Variants in RRAGD observed in about 807,000 individuals in gnomAD.
The protein encoded by RRAGD is Ras related GTP binding D.
In RRAGD, 12 loss-of-function variants were observed where a neutral mutation model predicts 35.5. The observed-to-expected ratio is 0.34, with a 90% confidence interval of 0.22 to 0.55. The LOEUF is 0.55. Ranked by LOEUF, RRAGD falls within the 20% of genes least tolerant of loss-of-function variation. The probability of loss-of-function intolerance (pLI) is 0.91; values close to 1 mark genes in which losing one functional copy is unlikely to be tolerated. For synonymous variants in RRAGD, 155 were observed against 178.9 expected (o/e 0.87, Z 1.07); for missense variants, 324 against 490.1 (o/e 0.66, Z 3.20).
chr6:89,409,788 G>C (rs759147170), intron 1 of RRAGD, among the ~76,000 whole-genome samples: 11 of 152,210 alleles, frequency 7.2e-5, no homozygotes, highest in Admixed American at 1.3e-4. Context: ...GGGAAATCTG[G>C]AAAGAACAGA....
intron 2 of RRAGD, among the ~76,000 whole-genome samples, chr6:89,384,596 C>T (rs952163458): frequency 3.3e-5 from 5 of 152,104 alleles, no homozygotes; most frequent in African/African-American, 1.2e-4. Flanking sequence ...ATGGATGGAT[C>T]ATGAGGTCAA....
At chr6:89,402,037 G>GTTTTTTTTTTTTT (rs1194197994) in intron 1 of RRAGD, among the ~76,000 whole-genome samples, 3 of 52,302 alleles carry the variant, frequency 5.7e-5, no homozygotes, top group Admixed American at 1.5e-4. Context: ...AAATCCTAAG[G>GTTTTTTTTTTTTT]ATTTTTTTTT....
At chr6:89,391,121 A>T (rs1193055046) in intron 1 of RRAGD, among the ~76,000 whole-genome samples, 1 of 152,104 alleles carries the variant, frequency 6.6e-6, no homozygotes, top group East Asian at 1.9e-4. Context: ...ATGGTGGCTC[A>T]TGTCTATAAT....
In RRAGD at chr6:89,411,881, G is replaced by A; in HGVS notation, c.113C>T (p.Ser38Phe). The change falls in exon 1 of 7, where the codon TCC (serine) becomes TTC (phenylalanine). Residue 38 changes from serine to phenylalanine, a missense_variant. Coordinates refer to ENST00000369415, the MANE Select transcript of RRAGD (RefSeq NM_021244.5). This position sits in a 1 kb window ranked among gnomAD's most constrained non-coding sequence, Gnocchi z 5.6. Reference sequence around the variant, plus strand: ...TGTGCCGCTGTCCGGATCGGCGTCGGAGGAGTCGGGCCCGTCTCCGTAGTC... The same window carrying A: ...TGTGCCGCTGTCCGGATCGGCGTCGAAGGAGTCGGGCCCGTCTCCGTAGTC... ...LADYGDGPDS[S>F]DADPDSGTEE... is the part of the protein sequence containing the mutation. 1.3e-6 allele frequency: 2 copies of A among 1,547,916 alleles called. No individual in the cohort carries two copies. Among genetic ancestry groups the A allele is most frequent in the Non-Finnish European group, 1.7e-6 (2 of 1,148,974 alleles).
At chr6:89,370,304 G>A (rs932884035) in intron 6 of RRAGD, among the ~76,000 whole-genome samples, 2 of 152,082 alleles carry the variant, frequency 1.3e-5, no homozygotes, top group Admixed American at 6.5e-5. Flanking sequence ...GAGGCCAAAG[G>A]ACACAAAAGG....
intron 1 of RRAGD, among the ~76,000 whole-genome samples, chr6:89,389,077 A>G (rs896765147): frequency 1.1e-4 from 17 of 152,180 alleles, no homozygotes; most frequent in Non-Finnish European, 2.1e-4. Context: ...CATGCAGCGC[A>G]GTTCCTAACA....
Position 89,377,830 on chromosome 6 carries a change from A to C in RRAGD, c.760-17T>G, listed in dbSNP as rs748439444. On this transcript the variant is annotated splice_polypyrimidine_tract_variant and intron_variant, in intron 4 of 6. Coordinates refer to ENST00000369415, the MANE Select transcript of RRAGD (RefSeq NM_021244.5). ...TCCAGAATTCTGAAATTTAAAAAAA[A>C]AAGTTGCCTTAAAGCAACAGTCAAC... 8.8e-6 allele frequency: 14 copies of C among 1,588,622 alleles called. No individual in the cohort carries two copies. The highest frequency in any genetic ancestry group is 1.2e-5 in the Non-Finnish European group (14 of 1,170,908).
intron 2 of RRAGD, among the ~76,000 whole-genome samples, chr6:89,385,386 C>T (rs766317774): frequency 6.6e-6 from 1 of 152,150 alleles, no homozygotes. Context: ...GAAACAGCTG[C>T]TGCGTGACTT....
Position 89,397,964 on chromosome 6 carries a change from T to G in RRAGD, c.149-10374A>C, listed in dbSNP as rs138896386. Among the ~76,000 whole-genome samples, 205 of 152,266 alleles carry G rather than the reference T, an allele frequency of 1.3e-3. 1 individual carries two copies. Among genetic ancestry groups the G allele is most frequent in the African/African-American group, 4.8e-3 (200 of 41,532 alleles). On this transcript the variant is annotated intron_variant, in intron 1 of 6. Transcript: ENST00000369415. ...GAGTTCAAGACTAGCCTGGCCAACA[T>G]GGCGAAACCCTGTCTCTACTAAATA...
chr6:89,402,625 C>A (rs372478008), intron 1 of RRAGD, among the ~76,000 whole-genome samples: 3 of 152,206 alleles, frequency 2.0e-5, no homozygotes, highest in African/African-American at 7.2e-5. Flanking sequence ...AGCTAGGCAG[C>A]TAGCCACCAA....
intron 3 of RRAGD, 52 bp from the exon 4 acceptor site, chr6:89,379,390 G>A: frequency 1.1e-6 from 1 of 905,520 alleles, no homozygotes; most frequent in African/African-American, 1.7e-5. Flanking sequence ...TGAGGAACAG[G>A]CTGCTTAGGC....
chr6:89,404,586 C>T (rs1366240708), intron 1 of RRAGD, among the ~76,000 whole-genome samples: 1 of 152,116 alleles, frequency 6.6e-6, no homozygotes, highest in Admixed American at 6.5e-5. Context: ...TTCAATCACC[C>T]AAGGAACAGC....
chr6:89,385,171 C>T (rs1366126524), intron 2 of RRAGD, among the ~76,000 whole-genome samples: 2 of 152,156 alleles, frequency 1.3e-5, no homozygotes, highest in African/African-American at 2.4e-5. Flanking sequence ...TACCTATTTT[C>T]GCCACATTAT....
intron 1 of RRAGD, among the ~76,000 whole-genome samples, chr6:89,407,032 G>A (rs1191269821): frequency 1.3e-5 from 2 of 152,226 alleles, no homozygotes; most frequent in Admixed American, 6.5e-5. Flanking sequence ...TGCAAAAAGG[G>A]AAAGGTATTC....
At chr6:89,370,750 C>T (rs945949825) in intron 6 of RRAGD, among the ~76,000 whole-genome samples, 1 of 152,050 alleles carries the variant, frequency 6.6e-6, no homozygotes, top group Non-Finnish European at 1.5e-5. Context: ...GAATTGGAAA[C>T]ATGTCTGTAA....
intron 5 of RRAGD, 70 bp from the exon 6 acceptor site, chr6:89,372,655 A>T: frequency 6.9e-7 from 1 of 1,451,676 alleles, no homozygotes; most frequent in Non-Finnish European, 9.2e-7. Flanking sequence ...CAGTGACAAG[A>T]GACCGGCTTT....
At chr6:89,393,631 C>G (rs753122333) in intron 1 of RRAGD, among the ~76,000 whole-genome samples, 2 of 152,216 alleles carry the variant, frequency 1.3e-5, no homozygotes, top group Non-Finnish European at 2.9e-5. Context: ...AGAGCACTAT[C>G]AGAGGTGGAT....
At chr6:89,406,895 C>T (rs1042217657) in intron 1 of RRAGD, among the ~76,000 whole-genome samples, 2 of 152,172 alleles carry the variant, frequency 1.3e-5, no homozygotes, top group Admixed American at 6.5e-5. Context: ...TCTGTGTGCT[C>T]CCCTAGAGGT....
chr6:89,389,321 C>T (rs919710678), intron 1 of RRAGD, among the ~76,000 whole-genome samples: 98 of 151,914 alleles, frequency 6.5e-4, no homozygotes, highest in South Asian at 2.1e-4. Flanking sequence ...TTTGGGAGGC[C>T]GAGACGGGCG....
Sources: allele counts gnomAD v4.1 joint callset (sites outside exome capture counted in the v4.1 genomes callset), GRCh38; gene constraint gnomAD v4.1.1; non-coding constraint Gnocchi (gnomAD v3.1); transcripts MANE v1.5; gene names NCBI Gene and HGNC (gene_info 2026-07-23, HGNC 2026-07-21).